Variants in INSR observed in about 807,000 individuals in gnomAD.
The protein encoded by INSR is insulin receptor.
INSR carries 67 observed loss-of-function variants against 142.6 expected under a neutral mutation model. The observed-to-expected ratio is 0.47, with a 90% CI of 0.39 to 0.58. The LOEUF (loss-of-function observed/expected upper bound fraction) is 0.58. Among genes scored for constraint, INSR ranks in the 20% least tolerant of loss-of-function variants. The pLI, the probability that INSR is intolerant of heterozygous loss-of-function variation, is 0.00. For synonymous variants in INSR, 756 were observed against 743.1 expected (o/e 1.02, Z -0.28); for missense variants, 1,248 against 1,833.2 (o/e 0.68, Z 5.83).
chr19:7,129,877 A>T (rs1972734924), intron 14 of INSR, among the ~76,000 whole-genome samples: 1 of 152,142 alleles, frequency 6.6e-6, no homozygotes, highest in Non-Finnish European at 1.5e-5. Flanking sequence ...ACCTGGGATT[A>T]CAAGCATGCA....
In INSR at chr19:7,116,244, C is replaced by T. The variant is rs1972320591; in HGVS notation, c.*812G>A. On this transcript the variant is annotated 3_prime_UTR_variant, in exon 22 of 22. Transcript: ENST00000302850. Reference sequence around the variant, plus strand: ...GGGAGGGTAGAAACCTGAGGCTAGACTTCTGACACAAGAAGAATCTGTCGA... The same window carrying T: ...GGGAGGGTAGAAACCTGAGGCTAGATTTCTGACACAAGAAGAATCTGTCGA... 6.6e-6 allele frequency: 1 copy of T among 151,316 alleles called. No individual in the cohort carries two copies. Among genetic ancestry groups the T allele is most frequent in the South Asian group, 2.1e-4 (1 of 4,798 alleles). 9.4% of individuals were successfully genotyped at this position (151,316 alleles called of 1,614,324 possible).
chr19:7,117,714 C>T (rs1972371613), intron 21 of INSR, among the ~76,000 whole-genome samples: 1 of 152,044 alleles, frequency 6.6e-6, no homozygotes, highest in Admixed American at 6.6e-5. Context: ...TCGAGCAATC[C>T]TCTCACCTTG....
At chr19:7,255,413 G>T (rs1171728009) in intron 2 of INSR, among the ~76,000 whole-genome samples, 2 of 151,722 alleles carry the variant, frequency 1.3e-5, no homozygotes, top group East Asian at 3.9e-4. Context: ...CCGGCATGAG[G>T]CACCCTCTTC....
intron 3 of INSR, among the ~76,000 whole-genome samples, chr19:7,175,181 G>A (rs1432076708): frequency 6.6e-6 from 1 of 151,934 alleles, no homozygotes; most frequent in African/African-American, 2.4e-5. Flanking sequence ...AACACAGTCT[G>A]CCGATCTGCA....
intron 2 of INSR, among the ~76,000 whole-genome samples, chr19:7,261,187 T>G (rs564680604): frequency 6.6e-6 from 1 of 151,976 alleles, no homozygotes; most frequent in Non-Finnish European, 1.5e-5. Flanking sequence ...CGCGTCCAGC[T>G]GGCTGAACTA....
rs551016585 is a variant in INSR at position 7,232,804 on chromosome 19, C to G, written c.652+34541G>C. ...CAGCCTGGGCAACAGTGCAAGACTC[C>G]GTCTCAAAAAAAAAAAATTTCAGTT... On this transcript the variant is annotated intron_variant, in intron 2 of 21. Coordinates refer to ENST00000302850, the MANE Select transcript of INSR (RefSeq NM_000208.4). Among the ~76,000 whole-genome samples the G allele has an allele frequency of 1.3e-5, 2 of 150,934 alleles. 1 individual carries two copies. The highest frequency in any genetic ancestry group is 4.2e-4 in the South Asian group (2 of 4,762).
intron 17 of INSR, among the ~76,000 whole-genome samples, chr19:7,124,102 G>A (rs28817398): frequency 0.47 from 70,069 of 150,362 alleles, 16,377 homozygotes; most frequent in Admixed American, 0.56. Flanking sequence ...GGTGGCTCAC[G>A]CCTGTAATCC....
In INSR at chr19:7,125,749, C is replaced by T. The variant is rs1238572365; in HGVS notation, c.3014-222G>A. Reference sequence around the variant, plus strand: ...ACTCAAGGAAGGAGCCACAACTGGTCCAAGATCCTGGCCAATATGTCCTGA... The same window carrying T: ...ACTCAAGGAAGGAGCCACAACTGGTTCAAGATCCTGGCCAATATGTCCTGA... On this transcript the variant is annotated intron_variant, in intron 16 of 21. Transcript: ENST00000302850. This position sits in a 1 kb window ranked among gnomAD's most constrained non-coding sequence, Gnocchi z 4.9. Among the ~76,000 whole-genome samples the T allele has an allele frequency of 6.6e-6, 1 of 152,148 alleles. No homozygotes were observed. The highest frequency in any genetic ancestry group is 1.5e-5 in the Non-Finnish European group (1 of 68,024).
At chr19:7,127,683 G>A (rs529151000) in intron 15 of INSR, among the ~76,000 whole-genome samples, 2 of 152,244 alleles carry the variant, frequency 1.3e-5, no homozygotes, top group South Asian at 4.1e-4. Flanking sequence ...TATAACTCAG[G>A]ACTGGATTTG....
Position 7,132,335 on chromosome 19 carries a change from G to T in INSR, c.2683-18C>A, listed in dbSNP as rs775477336. On this transcript the variant is annotated intron_variant, in intron 13 of 21. Coordinates refer to ENST00000302850, the MANE Select transcript of INSR (RefSeq NM_000208.4). ...TGCAGCTCCTGGGAGGAAGAGAGGAGGAGAAGGAGGGTGGCTGAGCTTTGC... is the reference window on the plus strand; with the variant it reads ...TGCAGCTCCTGGGAGGAAGAGAGGATGAGAAGGAGGGTGGCTGAGCTTTGC... 4 of 1,612,466 alleles carry T rather than the reference G, an allele frequency of 2.5e-6. No individual in the cohort carries two copies. The highest frequency in any genetic ancestry group is 2.7e-5 in the African/African-American group (2 of 74,910).
chr19:7,188,870 CAAAAAAAA>C (rs10549803), intron 2 of INSR, among the ~76,000 whole-genome samples: 2 of 71,842 alleles, frequency 2.8e-5, no homozygotes, highest in Non-Finnish European at 5.4e-5. Flanking sequence ...GACTCTATCT[CAAAAAAAA>C]AAAAAAAAAA....
chr19:7,244,874 G>A (rs993171999), intron 2 of INSR, among the ~76,000 whole-genome samples: 2 of 138,622 alleles, frequency 1.4e-5, no homozygotes, highest in African/African-American at 5.2e-5. Context: ...AATGGGTTAT[G>A]TTTTTAATTA....
intron 2 of INSR, among the ~76,000 whole-genome samples, chr19:7,263,453 G>GAT (rs1977126046): frequency 6.6e-6 from 1 of 152,146 alleles, no homozygotes; most frequent in African/African-American, 2.4e-5. Flanking sequence ...GGATGGCTGA[G>GAT]ATATATACCA....
intron 11 of INSR, among the ~76,000 whole-genome samples, chr19:7,147,822 A>AT (rs1381623791): frequency 6.6e-6 from 1 of 152,212 alleles, no homozygotes; most frequent in Non-Finnish European, 1.5e-5. Flanking sequence ...ACAACCAGAG[A>AT]TGTAAAATGG....
At chr19:7,293,382 C>T (rs1568243106) in intron 1 of INSR, among the ~76,000 whole-genome samples, 1 of 152,208 alleles carries the variant, frequency 6.6e-6, no homozygotes. Context: ...ACACCATATG[C>T]GCTCGGGGGA....
At chr19:7,195,774 C>T (rs1418169220) in intron 2 of INSR, among the ~76,000 whole-genome samples, 1 of 151,676 alleles carries the variant, frequency 6.6e-6, no homozygotes, top group Non-Finnish European at 1.5e-5. Flanking sequence ...AGATTGGAAC[C>T]TTCGCCTAGG....
At chr19:7,207,743 C>G (rs1975144040) in intron 2 of INSR, among the ~76,000 whole-genome samples, 1 of 151,980 alleles carries the variant, frequency 6.6e-6, no homozygotes, top group Non-Finnish European at 1.5e-5. Flanking sequence ...GGCAATATAG[C>G]AAGACCCATC....
intron 3 of INSR, among the ~76,000 whole-genome samples, chr19:7,178,244 G>T (rs1352889893): frequency 3.0e-4 from 18 of 59,380 alleles, no homozygotes; most frequent in African/African-American, 6.8e-4. Context: ...GGTGACTTGT[G>T]GGGGGGGGGG....
At chr19:7,160,727 G>T (rs1973726126) in intron 9 of INSR, among the ~76,000 whole-genome samples, 1 of 152,044 alleles carries the variant, frequency 6.6e-6, no homozygotes, top group African/African-American at 2.4e-5. Context: ...GCTGGGCGCG[G>T]TGGCTCACGC....
Sources: allele counts gnomAD v4.1 joint callset (sites outside exome capture counted in the v4.1 genomes callset), GRCh38; gene constraint gnomAD v4.1.1; non-coding constraint Gnocchi (gnomAD v3.1); transcripts MANE v1.5; gene names NCBI Gene and HGNC (gene_info 2026-07-23, HGNC 2026-07-21).